UBR3: variants seen among roughly 807,000 people sequenced by gnomAD.
UBR3 encodes E3 ubiquitin-protein ligase UBR3.
Under a neutral mutation model 243.2 loss-of-function variants are expected in UBR3, and 85 were observed. The observed-to-expected ratio is 0.35, with a 90% confidence interval of 0.29 to 0.42. The LOEUF is 0.42. UBR3 is among the 10% of genes least tolerant of loss of function. The pLI, the probability that UBR3 is intolerant of heterozygous loss-of-function variation, is 1.00. For missense variants in UBR3, 1,686 were observed against 2,300.8 expected (o/e 0.73, Z 5.47); for synonymous variants, 748 against 799.8 (o/e 0.94, Z 1.09).
At chr2:169,837,233 T>C (rs1271215679) in intron 1 of UBR3, among the ~76,000 whole-genome samples, 2 of 152,200 alleles carry the variant, frequency 1.3e-5, no homozygotes, top group African/African-American at 4.8e-5. Context: ...TCCCAGCACT[T>C]TGGGAAGCCG....
intron 35 of UBR3, among the ~76,000 whole-genome samples, chr2:170,062,673 C>T (rs1471921810): frequency 6.6e-6 from 1 of 152,174 alleles, no homozygotes; most frequent in Non-Finnish European, 1.5e-5. Flanking sequence ...ACCACCTGTA[C>T]TTTTTTCACA....
chr2:169,927,039 A>T (rs1404018050), intron 16 of UBR3, 68 bp downstream of exon 16: 2 of 1,503,178 alleles, frequency 1.3e-6, no homozygotes, highest in Non-Finnish European at 1.8e-6. Context: ...TCCCTGTGGT[A>T]GTAACTGGCT....
intron 19 of UBR3, among the ~76,000 whole-genome samples, chr2:169,941,855 C>G (rs995178859): frequency 6.6e-6 from 1 of 152,124 alleles, no homozygotes; most frequent in Non-Finnish European, 1.5e-5. Context: ...CCAGAAGAGA[C>G]AGACAAGCTA....
At chr2:169,833,740 A>T (rs996953155) in intron 1 of UBR3, among the ~76,000 whole-genome samples, 1 of 151,950 alleles carries the variant, frequency 6.6e-6, no homozygotes, top group African/African-American at 2.4e-5. Flanking sequence ...AAGGTTACTT[A>T]TGTGTTTAAA....
intron 18 of UBR3, among the ~76,000 whole-genome samples, chr2:169,930,470 T>C (rs2086080220): frequency 6.6e-6 from 1 of 151,954 alleles, no homozygotes; most frequent in African/African-American, 2.4e-5. Flanking sequence ...CACTGCACCC[T>C]TGACCTACTG....
chr2:170,068,333 T>G (rs1050016809), intron 35 of UBR3, among the ~76,000 whole-genome samples: 2 of 152,076 alleles, frequency 1.3e-5, no homozygotes, highest in African/African-American at 4.8e-5. Flanking sequence ...CCGGGCATGT[T>G]GGTGTGCACC....
chr2:170,044,573 T>TTTAG (rs1455329552), intron 32 of UBR3, among the ~76,000 whole-genome samples: 1 of 152,218 alleles, frequency 6.6e-6, no homozygotes, highest in Admixed American at 6.6e-5. Context: ...GGTATTCATA[T>TTTAG]TTAGTTCTTT....
At position 169,928,773 on chromosome 2, in the gene UBR3, A is replaced by G. The variant is rs2086005663; in HGVS notation, c.2471A>G (p.Tyr824Cys). The change falls in exon 18 of 39, where the codon TAC becomes TGC. Residue 824 changes from tyrosine (Y) to cysteine (C), a missense_variant. By Grantham distance (194) the Tyr-to-Cys change is radical (BLOSUM62 -2). Coordinates refer to ENST00000272793, the MANE Select transcript of UBR3 (RefSeq NM_172070.4). ...NPKSGIIPGS[Y>C]SFESVLSAVA... is the part of the protein sequence containing the mutation. ...AAAAGTGGCATTATTCCAGGCAGTT[A>G]CAGCTTTGAATCAGTTTTATCAGCT... 2 of 1,509,662 alleles carry G rather than the reference A, an allele frequency of 1.3e-6. No individual in the cohort carries two copies. Among genetic ancestry groups the G allele is most frequent in the Admixed American group, 4.0e-5 (2 of 50,630 alleles). 93.5% of individuals were successfully genotyped at this position (1,509,662 alleles called of 1,614,324 possible).
chr2:169,879,822 A>G (rs545524980), intron 5 of UBR3, among the ~76,000 whole-genome samples: 2 of 152,318 alleles, frequency 1.3e-5, no homozygotes, highest in East Asian at 1.9e-4. Context: ...TTTTGTAACA[A>G]AATAACTTCT....
At chr2:169,879,401 A>C (rs1157296436) in intron 5 of UBR3, among the ~76,000 whole-genome samples, 6 of 152,150 alleles carry the variant, frequency 3.9e-5, no homozygotes, top group Non-Finnish European at 1.5e-5. Flanking sequence ...TAAATTTTAT[A>C]GTTTTTCCCC....
intron 1 of UBR3, among the ~76,000 whole-genome samples, chr2:169,868,169 A>G (rs2083318911): frequency 6.6e-6 from 1 of 152,120 alleles, no homozygotes; most frequent in Non-Finnish European, 1.5e-5. Flanking sequence ...CATAACAATG[A>G]AACCTCATGT....
At chr2:169,838,058 T>C (rs1172577087) in intron 1 of UBR3, among the ~76,000 whole-genome samples, 1 of 152,226 alleles carries the variant, frequency 6.6e-6, no homozygotes, top group Non-Finnish European at 1.5e-5. Flanking sequence ...TTGGCTGTTC[T>C]TGGTTCCTGT....
At position 170,080,000 on chromosome 2, in the gene UBR3, CAA is replaced by C; in HGVS notation, c.5388_5389del (p.Ser1797LeufsTer3). Reference sequence around the variant, plus strand: ...CCTGAAAGGACTTTGCTGCAAGCAACAAAGTTACTGTGAATGTGTACTGGTAA... The same window carrying C: ...CCTGAAAGGACTTTGCTGCAAGCAACAGTTACTGTGAATGTGTACTGGTAA... Reference protein sequence around the residue: ...VCLKGLCCKQQSYCECVLHSQ... With the variant: ...VCLKGLCCKQXSYCECVLHSQ... On this transcript the variant is annotated frameshift_variant, in exon 37 of 39. Coordinates refer to ENST00000272793, the MANE Select transcript of UBR3 (RefSeq NM_172070.4). LOFTEE classifies it high-confidence loss of function. 6.2e-7 allele frequency: 1 copy of C among 1,613,820 alleles called. No homozygotes were observed. Among genetic ancestry groups the C allele is most frequent in the Non-Finnish European group, 8.5e-7 (1 of 1,179,878 alleles).
At chr2:169,947,970 A>G in intron 22 of UBR3, 1 of 984,212 alleles carries the variant, frequency 1.0e-6, no homozygotes, top group Non-Finnish European at 1.2e-6. Context: ...TTAACTAGCA[A>G]CATGGCTTTA....
rs376822818 is a variant in UBR3 at position 169,911,313 on chromosome 2, T to A, written c.1780-2747T>A. 3.9e-5 allele frequency among the ~76,000 whole-genome samples: 6 copies of A among 152,258 alleles called. No homozygotes were observed. The East Asian group carries it at 9.6e-4, about 24-fold the overall frequency. On this transcript the variant is annotated intron_variant, in intron 10 of 38. Coordinates refer to ENST00000272793, the MANE Select transcript of UBR3 (RefSeq NM_172070.4). ...GGTTACTACAGACTTGATAGAAGAT[T>A]AATGTGGTCTTGACTCTTCAGAGCA...
intron 1 of UBR3, among the ~76,000 whole-genome samples, chr2:169,858,925 C>G (rs1285248063): frequency 6.6e-6 from 1 of 152,022 alleles, no homozygotes; most frequent in African/African-American, 2.4e-5. Flanking sequence ...AATGTCTCTC[C>G]ATTTTGTTCT....
chr2:170,044,660 C>T (rs1047301842), intron 32 of UBR3, among the ~76,000 whole-genome samples: 4 of 152,156 alleles, frequency 2.6e-5, no homozygotes, highest in Non-Finnish European at 5.9e-5. Flanking sequence ...CAAATTAACA[C>T]AGTAGCTTAA....
chr2:170,013,841 A>G (rs2090154967), intron 29 of UBR3: 1 of 459,330 alleles, frequency 2.2e-6, no homozygotes, highest in Non-Finnish European at 4.5e-6. Context: ...TTTTCTACAG[A>G]TTAGGCAACA....
rs575494643 is a variant in UBR3, at chr2:169,896,044, C to T, written c.1237-463C>T. 5.9e-5 allele frequency among the ~76,000 whole-genome samples: 9 copies of T among 152,120 alleles called. No individual in the cohort carries two copies. The South Asian group carries it at 1.9e-3, about 32-fold the overall frequency. On this transcript the variant is annotated intron_variant, in intron 7 of 38. Transcript: ENST00000272793. ...GGGCGTGGTAGCTCACGTCTGTAGT[C>T]CCAGCACTTTGGGAGGCTGAGGTGG...
Sources: gnomAD v4.1 joint callset for allele counts (sites outside exome capture counted in the v4.1 genomes callset) on GRCh38, gnomAD v4.1.1 for gene constraint, MANE v1.5 for transcripts, NCBI Gene and HGNC (gene_info 2026-07-23, HGNC 2026-07-21) for gene names.